The following GBE1 variants were observed in gnomAD, a reference collection of about 807,000 sequenced individuals.
GBE1 encodes 1,4-alpha-glucan branching enzyme 1.
In GBE1, 70 loss-of-function variants were observed where a neutral mutation model predicts 88.8. The ratio of observed to expected loss-of-function variants is 0.79; its 90% CI spans 0.65 to 0.96. The LOEUF (loss-of-function observed/expected upper bound fraction) is 0.96, where lower values mean the gene tolerates loss of function less well. GBE1 is among the 40% of genes least tolerant of loss of function. GBE1 has a pLI of 0.00. For missense variants in GBE1, 872 were observed against 871.0 expected, an observed-to-expected ratio of 1.00 and a Z score of -0.01; for synonymous variants, 284 against 300.1, an observed-to-expected ratio of 0.95 and a Z score of 0.56.
intron 14 of GBE1, among the ~76,000 whole-genome samples, chr3:81,512,475 C>T (rs940723651): frequency 2.0e-5 from 3 of 151,756 alleles, no homozygotes; most frequent in African/African-American, 7.3e-5. Flanking sequence ...TGGTATTACC[C>T]TGCAGAAAAA....
intron 8 of GBE1, among the ~76,000 whole-genome samples, chr3:81,592,364 G>A (rs577990981): frequency 4.3e-4 from 65 of 152,044 alleles, no homozygotes; most frequent in Admixed American, 4.3e-3. Flanking sequence ...TAAGAATTTG[G>A]CAGACATTGC....
In GBE1 at chr3:81,581,227, A is replaced by G; in HGVS notation, c.1384T>C (p.Tyr462His). ...DEDWNMGDIVYTLTNRRYLEK... is the reference protein window; with the variant it reads ...DEDWNMGDIVHTLTNRRYLEK... ...AGGTAGCGCCTGTTTGTGAGCGTGT[A>G]TACTATATCGCCCATGTTCCAGTCT... Residue 462 changes from tyrosine to histidine, a missense_variant, in exon 11 of 16, where the codon TAC (tyrosine) becomes CAC (histidine). Transcript: ENST00000429644. The G allele has an allele frequency of 6.2e-7, 1 of 1,606,662 alleles. No individual in the cohort carries two copies. The highest frequency in any genetic ancestry group is 2.2e-5 in the East Asian group (1 of 44,580).
chr3:81,682,186 G>C (rs1368673741), intron 2 of GBE1, among the ~76,000 whole-genome samples: 1 of 152,178 alleles, frequency 6.6e-6, no homozygotes, highest in Non-Finnish European at 1.5e-5. Flanking sequence ...TCAAGGGCTG[G>C]GTGTGGTGGC....
intron 8 of GBE1, among the ~76,000 whole-genome samples, chr3:81,592,645 C>A (rs1374560791): frequency 1.3e-5 from 2 of 151,774 alleles, no homozygotes; most frequent in East Asian, 1.9e-4. Flanking sequence ...TTTCTTTAAC[C>A]ATTTCTTGGA....
chr3:81,626,165 A>T (rs1290525108), intron 7 of GBE1, among the ~76,000 whole-genome samples: 2 of 152,196 alleles, frequency 1.3e-5, no homozygotes, highest in African/African-American at 4.8e-5. Context: ...GCCAAAGCAC[A>T]TCTATTCTAA....
intron 7 of GBE1, among the ~76,000 whole-genome samples, chr3:81,606,074 T>C (rs1419822916): frequency 6.6e-6 from 1 of 152,092 alleles, no homozygotes; most frequent in African/African-American, 2.4e-5. Flanking sequence ...AACAAATATA[T>C]TCTGGAGTAA....
intron 14 of GBE1, among the ~76,000 whole-genome samples, chr3:81,524,457 G>A (rs1702917246): frequency 1.3e-5 from 2 of 151,760 alleles, no homozygotes; most frequent in African/African-American, 4.8e-5. Context: ...TGTTTCCTTT[G>A]TTGTGCAGAA....
At chr3:81,506,444 C>A (rs778739937) in intron 14 of GBE1, among the ~76,000 whole-genome samples, 6 of 152,120 alleles carry the variant, frequency 3.9e-5, no homozygotes, top group Non-Finnish European at 8.8e-5. Flanking sequence ...AACACTTAAA[C>A]ACCATTAGTA....
intron 3 of GBE1, among the ~76,000 whole-genome samples, chr3:81,658,358 G>T (rs1289449260): frequency 6.6e-6 from 1 of 151,882 alleles, no homozygotes; most frequent in African/African-American, 2.4e-5. Flanking sequence ...CAAAAAAAAA[G>T]ACTATTTTTG....
rs2107059577 is a variant in GBE1, at chr3:81,642,882, T to C, written c.891A>G (p.Ala297=). The C allele has an allele frequency of 6.2e-7, 1 of 1,612,630 alleles. No homozygotes were observed. The highest frequency in any genetic ancestry group is 8.5e-7 in the Non-Finnish European group (1 of 1,178,752). ...TCCCATCAAACATATTCAATCCATC[T>C]GCTGAATTTTTTGAAGCATGGCTGT... The part of the protein sequence containing the change: ...VVHSHASKNS[A]DGLNMFDGTD... The change falls in exon 7 of 16, where the codon GCA becomes GCG. Residue 297 remains alanine (A), a synonymous_variant. Coordinates refer to ENST00000429644, the MANE Select transcript of GBE1 (RefSeq NM_000158.4).
chr3:81,540,796 G>GA (rs1406533072), intron 12 of GBE1, among the ~76,000 whole-genome samples: 1 of 152,042 alleles, frequency 6.6e-6, no homozygotes, highest in Non-Finnish European at 1.5e-5. Flanking sequence ...GGGTAAATCA[G>GA]ATTACTATGT....
At chr3:81,586,540 T>C (rs1703805126) in intron 9 of GBE1, among the ~76,000 whole-genome samples, 1 of 152,224 alleles carries the variant, frequency 6.6e-6, no homozygotes, top group South Asian at 2.1e-4. Flanking sequence ...AGCACAACAA[T>C]ACATGTGGCA....
chr3:81,609,766 T>C (rs183853789), intron 7 of GBE1, among the ~76,000 whole-genome samples: 1 of 152,320 alleles, frequency 6.6e-6, no homozygotes, highest in African/African-American at 2.4e-5. Context: ...GTTAATATTG[T>C]TGGTTGCTAA....
chr3:81,631,711 C>T lies in GBE1; in HGVS notation c.992+11070G>A, dbSNP rs576948428. On this transcript the variant is annotated intron_variant, in intron 7 of 15. Coordinates refer to ENST00000429644, the MANE Select transcript of GBE1 (RefSeq NM_000158.4). ...GTCGTAAGCCGAGATTGCACCACTG[C>T]ACTACAGCCTGGCAACAGAGCAAGA... is the stretch of plus-strand genomic sequence containing the variant. Among the ~76,000 whole-genome samples, 181 of 147,324 alleles carry T rather than the reference C, an allele frequency of 1.2e-3. 3 individuals are homozygous for T. In the South Asian group the frequency reaches 0.016, roughly 13 times the overall value.
intron 14 of GBE1, among the ~76,000 whole-genome samples, chr3:81,506,227 C>G (rs1277619541): frequency 6.6e-6 from 1 of 151,946 alleles, no homozygotes; most frequent in Non-Finnish European, 1.5e-5. Flanking sequence ...AACAAACACA[C>G]CAACAAAAAA....
chr3:81,761,170 G>T (rs1706676986), intron 1 of GBE1, among the ~76,000 whole-genome samples: 1 of 152,218 alleles, frequency 6.6e-6, no homozygotes, highest in Admixed American at 6.5e-5. Context: ...TTCAGCGCCC[G>T]CTCCGGGCAC....
intron 7 of GBE1, 49 bp downstream of exon 7, chr3:81,642,732 A>G (rs1193315589): frequency 1.7e-6 from 2 of 1,160,522 alleles, no homozygotes; most frequent in Admixed American, 3.6e-5. Flanking sequence ...CTTAAAAATT[A>G]ATGTTAAACA....
In GBE1 at chr3:81,629,724, T is replaced by C. The variant is rs953339483; in HGVS notation, c.992+13057A>G. On this transcript the variant is annotated intron_variant, in intron 7 of 15. Coordinates refer to ENST00000429644, the MANE Select transcript of GBE1 (RefSeq NM_000158.4). The stretch of plus-strand genomic sequence containing the variant: ...TGTATTTTTTATATATTTTTTATTA[T>C]TATTATTATACTTTAAGTTTTAGGG... Among the ~76,000 whole-genome samples, 68 of 151,978 alleles carry C rather than the reference T, an allele frequency of 4.5e-4. 2 individuals are homozygous for C. The highest frequency in any genetic ancestry group is 7.4e-5 in the Non-Finnish European group (5 of 67,978).
intron 12 of GBE1, among the ~76,000 whole-genome samples, chr3:81,542,972 T>G (rs534860035): frequency 6.6e-6 from 1 of 152,274 alleles, no homozygotes; most frequent in South Asian, 2.1e-4. Context: ...TATTTGGTAA[T>G]ATTTGGTAAT....
Sources: allele counts gnomAD v4.1 joint callset (sites outside exome capture counted in the v4.1 genomes callset), GRCh38; gene constraint gnomAD v4.1.1; transcripts MANE v1.5; gene names NCBI Gene and HGNC (gene_info 2026-07-23, HGNC 2026-07-21).